The following ABCA1 variants were observed in gnomAD, a reference collection of about 807,000 sequenced individuals.
The protein encoded by ABCA1 is ATP binding cassette subfamily A member 1, also known as phospholipid-transporting ATPase ABCA1.
In ABCA1, 133 loss-of-function variants were observed where a neutral mutation model predicts 262.5. The ratio of observed to expected loss-of-function variants is 0.51; its 90% CI spans 0.44 to 0.59. The LOEUF (loss-of-function observed/expected upper bound fraction) is 0.59, where lower values mean the gene tolerates loss of function less well. Among genes scored for constraint, ABCA1 ranks in the 20% least tolerant of loss-of-function variants. ABCA1 has a pLI of 0.00. For synonymous variants in ABCA1, 1,022 were observed against 1,043.5 expected (o/e 0.98, Z 0.40); for missense variants, 2,452 against 2,777.5 (o/e 0.88, Z 2.63).
chr9:104,818,555 T>A, intron 23 of ABCA1, 108 bp downstream of exon 23: 1 of 1,033,726 alleles, frequency 9.7e-7, no homozygotes, highest in Non-Finnish European at 1.5e-6. Flanking sequence ...AGCAGGGAGA[T>A]GGTGGTTTCA....
At chr9:104,815,956 C>T (rs1043782054) in intron 25 of ABCA1, among the ~76,000 whole-genome samples, 187 bp downstream of exon 25, 8 of 152,328 alleles carry the variant, frequency 5.3e-5, no homozygotes, top group African/African-American at 1.9e-4. Context: ...CAGAGGAAAA[C>T]ACTTCTTTCC....
At chr9:104,832,396 C>T (rs1443051808) in intron 12 of ABCA1, among the ~76,000 whole-genome samples, 178 bp downstream of exon 12, 2 of 152,170 alleles carry the variant, frequency 1.3e-5, no homozygotes, top group Non-Finnish European at 2.9e-5. Flanking sequence ...CATTCAACCA[C>T]TCAACTAACA....
At chr9:104,901,009 A>C (rs1235839188) in intron 2 of ABCA1, among the ~76,000 whole-genome samples, 1 of 152,132 alleles carries the variant, frequency 6.6e-6, no homozygotes, top group Non-Finnish European at 1.5e-5. Flanking sequence ...AAACCTGCCT[A>C]TCTCTCTAAT....
chr9:104,894,924 A>C (rs1271376448), intron 2 of ABCA1, among the ~76,000 whole-genome samples: 2 of 152,240 alleles, frequency 1.3e-5, no homozygotes, highest in Non-Finnish European at 2.9e-5. Flanking sequence ...AACCCAGGGG[A>C]ATGTTCCAGG....
At chr9:104,824,789 C>A (rs1464123484) in intron 17 of ABCA1, among the ~76,000 whole-genome samples, 1 of 152,228 alleles carries the variant, frequency 6.6e-6, no homozygotes, top group African/African-American at 2.4e-5. Flanking sequence ...ACCCACGGGG[C>A]AGGTGCCATC....
In ABCA1 at chr9:104,858,562, C is replaced by T. The variant is rs555803243; in HGVS notation, c.680G>A (p.Arg227Gln). ...GATGTCCATGTTGGAACGAAGTACT[C>T]GCTCTGCTGCAGCCAGTTTCTCCCT... ...LPREKLAAAE[R>Q]VLRSNMDILK... is the part of the protein sequence containing the mutation. The change falls in exon 7 of 50, where the codon CGA becomes CAA. Residue 227 changes from arginine to glutamine, a missense_variant. Arg to Gln is a conservative substitution (Grantham distance 43). Coordinates refer to ENST00000374736, the MANE Select transcript of ABCA1 (RefSeq NM_005502.4). The T allele has an allele frequency of 1.6e-5, 26 of 1,614,138 alleles. No individual in the cohort carries two copies. The highest frequency in any genetic ancestry group is 1.3e-4 in the African/African-American group (10 of 75,046).
chr9:104,788,030 G>GT lies in ABCA1; in HGVS notation c.6093dup (p.Leu2032ThrfsTer13), dbSNP rs1829075818. 1 of 1,614,046 alleles carries GT rather than the reference G, an allele frequency of 6.2e-7. No homozygotes were observed. The stretch of plus-strand genomic sequence containing the variant: ...TTTTCTCCATACTTCACGAGGCCCA[G>GT]TTTCCGAATCGCCCACTCACCAACC... On this transcript the variant is annotated frameshift_variant, in exon 46 of 50. Transcript: ENST00000374736. LOFTEE classifies it high-confidence loss of function.
intron 15 of ABCA1, 59 bp downstream of exon 15, chr9:104,828,857 G>T (rs1444863203): frequency 1.9e-6 from 3 of 1,548,156 alleles, no homozygotes; most frequent in Non-Finnish European, 2.7e-6. Flanking sequence ...TCCTCCCTTA[G>T]CCCGTGTTGA....
At chr9:104,872,502 A>G (rs28558214) in intron 5 of ABCA1, among the ~76,000 whole-genome samples, 15,180 of 152,206 alleles carry the variant, frequency 0.1, 1,431 homozygotes, top group African/African-American at 0.25. Flanking sequence ...TTAATCTTGG[A>G]CAACAGACAT....
rs570238468 is a variant in ABCA1, at chr9:104,787,012, G to A, written c.6205-36C>T. On this transcript the variant is annotated intron_variant, in intron 46 of 49. Coordinates refer to ENST00000374736, the MANE Select transcript of ABCA1 (RefSeq NM_005502.4). The stretch of plus-strand genomic sequence containing the variant: ...AATAAAATAAGTCTTATTTGCTGGG[G>A]GGAAAAAAAATCAAAGATAAATTTG... 1.5e-5 allele frequency: 24 copies of A among 1,557,438 alleles called. No individual in the cohort carries two copies. In the South Asian group the frequency reaches 2.0e-4, roughly 13 times the overall value.
chr9:104,831,442 G>GA (rs1554718282), intron 13 of ABCA1, among the ~76,000 whole-genome samples, 180 bp downstream of exon 13: 2 of 152,012 alleles, frequency 1.3e-5, no homozygotes, highest in Admixed American at 1.3e-4. Flanking sequence ...TATGACCTAT[G>GA]AAAAACCTTC....
chr9:104,802,114 A>G lies in ABCA1; in HGVS notation c.4638T>C (p.Pro1546=). The stretch of plus-strand genomic sequence containing the variant: ...TGGCATCATTAACTTCTTGACTCGG[A>G]GGAAGTGCTTGAGTATTACTGACAC... ...SLGVSNTQAL[P]PSQEVNDAIK... is the part of the protein sequence containing the mutation. The change falls in exon 34 of 50, where the codon CCT becomes CCC. Residue 1546 remains proline (P), a synonymous_variant. Transcript: ENST00000374736. 1.2e-6 allele frequency: 2 copies of G among 1,614,104 alleles called. No individual in the cohort carries two copies. Among genetic ancestry groups the G allele is most frequent in the Non-Finnish European group, 1.7e-6 (2 of 1,180,020 alleles).
rs2472454 is a variant in ABCA1 at position 104,834,705 on chromosome 9, C to T, written c.1312-1934G>A. 8.1e-4 allele frequency among the ~76,000 whole-genome samples: 118 copies of T among 145,874 alleles called. 6 individuals carry two copies. The highest frequency in any genetic ancestry group is 1.4e-3 in the Admixed American group (20 of 14,256). On this transcript the variant is annotated intron_variant, in intron 11 of 49. Transcript: ENST00000374736. Reference sequence around the variant, plus strand: ...GTGGAGGCAGAGAGAAAACAGGTCCCGAGGATGGGTGGCTAAAAGCAGCTC... The same window carrying T: ...GTGGAGGCAGAGAGAAAACAGGTCCTGAGGATGGGTGGCTAAAAGCAGCTC...
chr9:104,787,358 T>C (rs1387647665), intron 46 of ABCA1, among the ~76,000 whole-genome samples: 2 of 152,188 alleles, frequency 1.3e-5, no homozygotes, highest in East Asian at 1.9e-4. Flanking sequence ...CCTTTTTTTT[T>C]TTAATTCCAG....
chr9:104,880,907 T>C (rs111309068), intron 5 of ABCA1, among the ~76,000 whole-genome samples: 2 of 152,116 alleles, frequency 1.3e-5, no homozygotes, highest in South Asian at 2.1e-4. Flanking sequence ...TCCCAGCACT[T>C]TGGAAGGCCT....
At position 104,796,297 on chromosome 9, in the gene ABCA1, G is replaced by A. The variant is rs1376942600; in HGVS notation, c.5237+12C>T. The A allele has an allele frequency of 6.2e-7, 1 of 1,613,936 alleles. No homozygotes were observed. The highest frequency in any genetic ancestry group is 2.2e-5 in the East Asian group (1 of 44,880). On this transcript the variant is annotated intron_variant, in intron 38 of 49. Coordinates refer to ENST00000374736, the MANE Select transcript of ABCA1 (RefSeq NM_005502.4). ...ATCCACTGTGCAGCTCCCTCACTCA[G>A]AGGTGACTTACCCATACAGCAAAAG...
At chr9:104,832,861 G>T in intron 11 of ABCA1, 90 bp from the exon 12 acceptor site, 1 of 1,237,366 alleles carries the variant, frequency 8.1e-7, no homozygotes, top group Non-Finnish European at 1.2e-6. Flanking sequence ...CATATACACT[G>T]TCGTTGTTTT....
chr9:104,832,485 TA>T, intron 12 of ABCA1, 88 bp downstream of exon 12: 2 of 1,418,084 alleles, frequency 1.4e-6, no homozygotes, highest in Non-Finnish European at 2.0e-6. Context: ...ACATTATTTC[TA>T]AACTTGCCTC....
rs975172293 is a variant in ABCA1, at chr9:104,788,433, A to G, written c.6062T>C (p.Val2021Ala). The G allele has an allele frequency of 1.9e-6, 3 of 1,614,036 alleles. No homozygotes were observed. In the East Asian group the frequency reaches 6.7e-5, roughly 36 times the overall value. ...ALLRGVPEKEVGKVGEWAIRK... is the reference protein window; with the variant it reads ...ALLRGVPEKEAGKVGEWAIRK... ...TTCAGGTGCCCACAGTACCTTGCCA[A>G]CTTCTTTCTCTGGGACTCCTCTCAA... is the stretch of plus-strand genomic sequence containing the variant. Residue 2021 changes from valine (V) to alanine (A), a missense_variant, in exon 45 of 50, where the codon GTT (valine) becomes GCT (alanine). This residue lies in a region of ABCA1 where 752 missense variants were observed against 944.5 expected (regional missense o/e 0.80). Coordinates refer to ENST00000374736, the MANE Select transcript of ABCA1 (RefSeq NM_005502.4).
Sources: gnomAD v4.1 joint callset for allele counts (sites outside exome capture counted in the v4.1 genomes callset) on GRCh38, gnomAD v4.1.1 for gene constraint, gnomAD v4.1.1 regional missense constraint, MANE v1.5 for transcripts, NCBI Gene and HGNC (gene_info 2026-07-23, HGNC 2026-07-21) for gene names.